The following TRANK1 variants were observed in gnomAD, a reference collection of about 807,000 sequenced individuals.
The protein encoded by TRANK1 is TPR and ankyrin repeat-containing protein 1.
Under a neutral mutation model 266.0 loss-of-function variants are expected in TRANK1, and 198 were observed. The observed-to-expected ratio is 0.74, with a 90% CI of 0.66 to 0.84. TRANK1 has a LOEUF of 0.84. Among genes scored for constraint, TRANK1 ranks in the 40% least tolerant of loss-of-function variants. TRANK1 has a pLI of 0.00. For missense variants in TRANK1, 3,326 were observed against 3,634.6 expected (o/e 0.92, Z 2.18); for synonymous variants, 1,396 against 1,384.1 (o/e 1.01, Z -0.19).
chr3:36,895,604 G>T, intron 5 of TRANK1, 36 bp downstream of exon 5: 1 of 1,275,590 alleles, frequency 7.8e-7, no homozygotes, highest in South Asian at 1.4e-5. Flanking sequence ...CATCAAGAAT[G>T]TACTCTCCCC....
chr3:36,879,814 A>G (rs2079472729), intron 8 of TRANK1, among the ~76,000 whole-genome samples: 1 of 108,230 alleles, frequency 9.2e-6, no homozygotes, highest in Non-Finnish European at 1.8e-5. Context: ...AAATATATGT[A>G]AATATACAAA....
chr3:36,901,357 ACAAACCTT>A (rs2079879465), intron 3 of TRANK1, among the ~76,000 whole-genome samples: 1 of 152,176 alleles, frequency 6.6e-6, no homozygotes, highest in Non-Finnish European at 1.5e-5. Flanking sequence ...ACTGGCCTGA[ACAAACCTT>A]GCTAAGATAG....
intron 7 of TRANK1, among the ~76,000 whole-genome samples, chr3:36,891,688 A>T (rs2125605198): frequency 6.6e-6 from 1 of 152,406 alleles, no homozygotes; most frequent in South Asian, 2.1e-4. Flanking sequence ...AGCTTAAAAA[A>T]GAATTTCATG....
intron 1 of TRANK1, among the ~76,000 whole-genome samples, chr3:36,940,464 C>A (rs2080482326): frequency 6.6e-6 from 1 of 150,692 alleles, no homozygotes. Flanking sequence ...CGTGCCACTG[C>A]ACTCCAGCCT....
chr3:36,833,472 C>G lies in TRANK1; in HGVS notation c.6111G>C (p.Gly2037=). 6.2e-7 allele frequency: 1 copy of G among 1,613,874 alleles called. No individual in the cohort carries two copies. The highest frequency in any genetic ancestry group is 8.5e-7 in the Non-Finnish European group (1 of 1,179,814). ...SGIAEAHFLQ[G]VILRDFQKLR... Reference sequence around the variant, plus strand: ...GCTTCTGAAAGTCTCTCAGGATTACCCCTTGCAGGAAGTGGGCCTCCGCAA... The same window carrying G: ...GCTTCTGAAAGTCTCTCAGGATTACGCCTTGCAGGAAGTGGGCCTCCGCAA... Residue 2037 remains glycine, a synonymous_variant, in exon 22 of 24, where the codon GGG becomes GGC. Coordinates refer to ENST00000645898, the MANE Select transcript of TRANK1 (RefSeq NM_001329998.2).
At chr3:36,904,545 C>T (rs1390299447) in intron 2 of TRANK1, among the ~76,000 whole-genome samples, 2 of 151,832 alleles carry the variant, frequency 1.3e-5, no homozygotes. Flanking sequence ...AAATCTTAAT[C>T]GTAAAAATAA....
intron 5 of TRANK1, among the ~76,000 whole-genome samples, chr3:36,893,841 C>T (rs1465259664): frequency 6.6e-6 from 1 of 152,084 alleles, no homozygotes; most frequent in Non-Finnish European, 1.5e-5. Context: ...GGAACTGAGC[C>T]CATGGCCACA....
intron 21 of TRANK1, chr3:36,834,312 A>T (rs2078738530): frequency 1.0e-5 from 2 of 194,530 alleles, no homozygotes; most frequent in African/African-American, 4.7e-5. Flanking sequence ...AACTCTGTTC[A>T]GTTTGATAAA....
intron 3 of TRANK1, among the ~76,000 whole-genome samples, chr3:36,900,860 A>AAAAAAAAAAAAAAAAC (rs2079867718): frequency 1.4e-5 from 1 of 73,640 alleles, no homozygotes; most frequent in South Asian, 4.3e-4. Flanking sequence ...TCAAAAAAAA[A>AAAAAAAAAAAAAAAAC]AAAAAAAAAA....
rs150497451 is a variant in TRANK1 at position 36,933,136 on chromosome 3, T to G, written c.23+11651A>C. Among the ~76,000 whole-genome samples, 465 of 151,972 alleles carry G rather than the reference T, an allele frequency of 3.1e-3. 1 individual carries two copies. Among genetic ancestry groups the G allele is most frequent in the African/African-American group, 0.011 (439 of 41,222 alleles). On this transcript the variant is annotated intron_variant, in intron 1 of 23. Transcript: ENST00000645898. Reference sequence around the variant, plus strand: ...TATTTGGAAATGCTCTCTAGCTCATTGCAGACACCCCTTCCCCTTTCCCCT... The same window carrying G: ...TATTTGGAAATGCTCTCTAGCTCATGGCAGACACCCCTTCCCCTTTCCCCT...
chr3:36,835,809 T>G (rs888524437), intron 20 of TRANK1, among the ~76,000 whole-genome samples: 4 of 152,218 alleles, frequency 2.6e-5, no homozygotes, highest in Admixed American at 6.5e-5. Context: ...AACTGAACTT[T>G]TAAATTAATT....
At chr3:36,858,144 C>G (rs966028884) in intron 12 of TRANK1, 95 bp from the exon 13 acceptor site, 9 of 1,073,944 alleles carry the variant, frequency 8.4e-6, no homozygotes, top group Non-Finnish European at 1.2e-5. Flanking sequence ...CCAGGGGCAT[C>G]TCAGAATGCT....
chr3:36,838,291 G>A, intron 20 of TRANK1, 81 bp downstream of exon 20: 2 of 1,558,900 alleles, frequency 1.3e-6, no homozygotes, highest in Admixed American at 1.9e-5. Flanking sequence ...TTCCTGCTAT[G>A]AGTAGAGGTC....
At chr3:36,939,969 C>T (rs1024511855) in intron 1 of TRANK1, among the ~76,000 whole-genome samples, 1 of 151,838 alleles carries the variant, frequency 6.6e-6, no homozygotes. Flanking sequence ...TGGCTCACTG[C>T]AACCTCCACC....
intron 18 of TRANK1, among the ~76,000 whole-genome samples, chr3:36,840,233 C>CA (rs755362525): frequency 0.058 from 7,616 of 131,704 alleles, 278 homozygotes; most frequent in Middle Eastern, 0.1. Context: ...CCTGCCCCAC[C>CA]AAAAAAAAAA....
chr3:36,841,394 A>G (rs377550739), intron 18 of TRANK1, among the ~76,000 whole-genome samples: 2 of 152,332 alleles, frequency 1.3e-5, no homozygotes, highest in Non-Finnish European at 2.9e-5. Flanking sequence ...CTGCAGCTGC[A>G]TGCATGCGGA....
At chr3:36,893,044 C>CA in intron 5 of TRANK1, 60 bp from the exon 6 acceptor site, 2 of 625,018 alleles carry the variant, frequency 3.2e-6, no homozygotes, top group Non-Finnish European at 4.5e-6. Context: ...GTTATTAAAG[C>CA]AAAAAAGTTA....
At chr3:36,937,134 A>G (rs2080436898) in intron 1 of TRANK1, among the ~76,000 whole-genome samples, 1 of 152,144 alleles carries the variant, frequency 6.6e-6, no homozygotes, top group South Asian at 2.1e-4. Flanking sequence ...AAGACAGATC[A>G]ATTTCAACTT....
chr3:36,942,165 AG>A (rs1314901926), intron 1 of TRANK1, among the ~76,000 whole-genome samples: 3 of 152,218 alleles, frequency 2.0e-5, no homozygotes, highest in African/African-American at 7.2e-5. Flanking sequence ...GGTCTTTGGT[AG>A]TAACTTCAGG....
Sources: gnomAD v4.1 joint callset for allele counts (sites outside exome capture counted in the v4.1 genomes callset) on GRCh38, gnomAD v4.1.1 for gene constraint, MANE v1.5 for transcripts, NCBI Gene and HGNC (gene_info 2026-07-23, HGNC 2026-07-21) for gene names.